Variants in RAPGEF6 observed in about 807,000 individuals in gnomAD.
RAPGEF6 encodes PDZ domain containing guanine nucleotide exchange factor (GEF) 2.
Under a neutral mutation model 171.4 loss-of-function variants are expected in RAPGEF6, and 56 were observed. The ratio of observed to expected loss-of-function variants is 0.33; its 90% CI spans 0.26 to 0.41. The LOEUF is 0.41. Ranked by LOEUF, RAPGEF6 falls within the 10% of genes least tolerant of loss-of-function variation. The pLI is 1.00. For synonymous variants in RAPGEF6, 692 were observed against 650.1 expected, an observed-to-expected ratio of 1.06 and a Z score of -0.98; for missense variants, 1,674 against 1,921.4, an observed-to-expected ratio of 0.87 and a Z score of 2.41.
At chr5:131,456,042 A>C in intron 19 of RAPGEF6, 30 bp from the exon 20 acceptor site, 1 of 1,593,608 alleles carries the variant, frequency 6.3e-7, no homozygotes, top group Non-Finnish European at 8.6e-7. Context: ...AAACATTAAA[A>C]AGAAACTTGG....
At chr5:131,598,159 A>C (rs78117962) in intron 3 of RAPGEF6, among the ~76,000 whole-genome samples, 2,624 of 152,312 alleles carry the variant, frequency 0.017, 37 homozygotes, top group South Asian at 0.074. Flanking sequence ...AGAAATGAAA[A>C]TCTAGAATTG....
chr5:131,507,509 C>G (rs182257168), intron 9 of RAPGEF6, among the ~76,000 whole-genome samples: 1 of 152,072 alleles, frequency 6.6e-6, no homozygotes, highest in Admixed American at 6.6e-5. Context: ...TTCCTGATGG[C>G]AATAATACCT....
rs1763647462 is a variant in RAPGEF6, at chr5:131,592,421, A to C, written c.243T>G (p.Ser81=). ...AGACCATGGAGCCTTTCACAAGCACAGATCCAGAAAGTAGGATATACCAAC... is the reference window on the plus strand; with the variant it reads ...AGACCATGGAGCCTTTCACAAGCACCGATCCAGAAAGTAGGATATACCAAC... ...ARCWYILLSG[S]VLVKGSMVLP... is the part of the protein sequence containing the mutation. Residue 81 remains serine, a synonymous_variant, in exon 4 of 28, where the codon TCT becomes TCG. Transcript: ENST00000509018. The C allele has an allele frequency of 2.5e-6, 4 of 1,613,942 alleles. No individual in the cohort carries two copies. Among genetic ancestry groups the C allele is most frequent in the Non-Finnish European group, 3.4e-6 (4 of 1,179,844 alleles).
intron 23 of RAPGEF6, among the ~76,000 whole-genome samples, chr5:131,441,232 G>A (rs1752364335): frequency 6.6e-6 from 1 of 152,206 alleles, no homozygotes; most frequent in Non-Finnish European, 1.5e-5. Context: ...TTTGTAGAAT[G>A]AGGGTAAAAT....
At chr5:131,484,381 C>A (rs562182233) in intron 15 of RAPGEF6, among the ~76,000 whole-genome samples, 4 of 151,734 alleles carry the variant, frequency 2.6e-5, no homozygotes, top group Non-Finnish European at 4.4e-5. Context: ...TGCATGCCAC[C>A]ACACCCAGCT....
intron 6 of RAPGEF6, among the ~76,000 whole-genome samples, chr5:131,523,661 G>GT (rs1758663244): frequency 6.6e-6 from 1 of 152,086 alleles, no homozygotes; most frequent in South Asian, 2.1e-4. Context: ...GTGAGAGAAT[G>GT]TGACATCTGA....
At chr5:131,554,647 G>T (rs757798461) in intron 5 of RAPGEF6, among the ~76,000 whole-genome samples, 1 of 152,134 alleles carries the variant, frequency 6.6e-6, no homozygotes, top group Admixed American at 6.5e-5. Context: ...AGCCTCCCAA[G>T]TAGCTGGGAT....
chr5:131,464,444 CTT>C (rs374880967), intron 17 of RAPGEF6, 163 bp from the exon 18 acceptor site: 1,446 of 457,222 alleles, frequency 3.2e-3, no homozygotes, highest in African/African-American at 4.3e-3. Context: ...TAAATATATC[CTT>C]TTTTTTTTTT....
At chr5:131,494,146 G>C (rs1446494817) in intron 13 of RAPGEF6, among the ~76,000 whole-genome samples, 2 of 152,150 alleles carry the variant, frequency 1.3e-5, no homozygotes, top group African/African-American at 4.8e-5. Context: ...CAATGAACTA[G>C]GAACTACTAT....
chr5:131,632,075 C>CAAAA (rs529399752), intron 1 of RAPGEF6, among the ~76,000 whole-genome samples: 7 of 63,716 alleles, frequency 1.1e-4, no homozygotes, highest in African/African-American at 3.1e-4. Flanking sequence ...GACTCTGTCT[C>CAAAA]AAAAAAAAAA....
intron 7 of RAPGEF6, among the ~76,000 whole-genome samples, chr5:131,516,429 G>A (rs575667539): frequency 2.0e-5 from 3 of 152,270 alleles, no homozygotes; most frequent in East Asian, 3.9e-4. Context: ...TGGTGAAAAC[G>A]TGGCACCAGA....
At position 131,461,886 on chromosome 5, in the gene RAPGEF6, T is replaced by C. The variant is rs758937038; in HGVS notation, c.2683A>G (p.Thr895Ala). The change falls in exon 19 of 28, where the codon ACA (threonine) becomes GCA (alanine). Residue 895 changes from threonine (T) to alanine (A), a missense_variant. By Grantham distance (58) the Thr-to-Ala change is moderately conservative. Coordinates refer to ENST00000509018, the MANE Select transcript of RAPGEF6 (RefSeq NM_016340.6). The part of the protein sequence containing the change: ...IDDLFKLNSK[T>A]GNTHLKRFED... ...AACCTCTTCAAATGAGTATTTCCTG[T>C]TTTGGAATTTAACTTAAAAAGGTCA... 11 of 1,614,120 alleles carry C rather than the reference T, an allele frequency of 6.8e-6. No individual in the cohort carries two copies. In the Admixed American group the frequency reaches 8.3e-5, roughly 12 times the overall value.
chr5:131,602,769 A>G (rs1354913032), intron 3 of RAPGEF6, among the ~76,000 whole-genome samples: 3 of 152,188 alleles, frequency 2.0e-5, no homozygotes, highest in Non-Finnish European at 4.4e-5. Context: ...CTCAAAAACA[A>G]ACAAACAAAC....
At chr5:131,609,522 C>A (rs746274082) in intron 1 of RAPGEF6, among the ~76,000 whole-genome samples, 26 of 152,154 alleles carry the variant, frequency 1.7e-4, no homozygotes, top group Non-Finnish European at 3.7e-4. Flanking sequence ...TATCCCAGAA[C>A]TGGCACAATT....
chr5:131,549,083 T>A (rs3776003), intron 5 of RAPGEF6, among the ~76,000 whole-genome samples: 95,678 of 150,714 alleles, frequency 0.63, 32,071 homozygotes, highest in Non-Finnish European at 0.77. Flanking sequence ...AAAAAAAAAA[T>A]TTTTTTTAAG....
At chr5:131,452,201 C>CA (rs1164190827) in intron 21 of RAPGEF6, among the ~76,000 whole-genome samples, 3 of 135,190 alleles carry the variant, frequency 2.2e-5, no homozygotes, top group African/African-American at 8.6e-5. Context: ...GCCTGGGCGA[C>CA]AGAGCGAGAC....
intron 4 of RAPGEF6, among the ~76,000 whole-genome samples, chr5:131,573,910 A>G (rs900504359): frequency 7.2e-5 from 11 of 152,176 alleles, no homozygotes; most frequent in Non-Finnish European, 1.6e-4. Context: ...AAAAATTCCA[A>G]AAGTTGGATT....
chr5:131,465,185 G>A (rs1042272304), intron 17 of RAPGEF6, among the ~76,000 whole-genome samples: 24 of 151,980 alleles, frequency 1.6e-4, no homozygotes, highest in African/African-American at 5.6e-4. Context: ...TGTAACACAA[G>A]AACATTTTAA....
chr5:131,486,525 ATCT>A (rs908158027), intron 15 of RAPGEF6, among the ~76,000 whole-genome samples: 3 of 152,102 alleles, frequency 2.0e-5, no homozygotes, highest in African/African-American at 7.2e-5. Flanking sequence ...TTTCCTAAAC[ATCT>A]TCTTCCTTAC....
Sources: gnomAD v4.1 joint callset for allele counts (sites outside exome capture counted in the v4.1 genomes callset) on GRCh38, gnomAD v4.1.1 for gene constraint, MANE v1.5 for transcripts, NCBI Gene and HGNC (gene_info 2026-07-23, HGNC 2026-07-21) for gene names.